Variants in CDK14 observed in about 807,000 individuals in gnomAD.
The protein encoded by CDK14 is cyclin dependent kinase 14.
A neutral mutation model predicts 60.7 loss-of-function variants in CDK14; 34 were observed. The ratio of observed to expected loss-of-function variants is 0.56; its 90% CI spans 0.43 to 0.75. The LOEUF is 0.75. Among genes scored for constraint, CDK14 ranks in the 30% least tolerant of loss-of-function variants. The pLI is 0.00. For synonymous variants in CDK14, 197 were observed against 203.7 expected (o/e 0.97, Z 0.28); for missense variants, 482 against 564.1 (o/e 0.85, Z 1.47).
At chr7:90,639,411 TG>T (rs1283691021) in intron 2 of CDK14, among the ~76,000 whole-genome samples, 1 of 152,240 alleles carries the variant, frequency 6.6e-6, no homozygotes, top group Non-Finnish European at 1.5e-5. Flanking sequence ...CCTGTTTGCC[TG>T]GGTATCAGCA....
chr7:90,787,167 A>G (rs1457206715), intron 4 of CDK14, among the ~76,000 whole-genome samples: 1 of 152,160 alleles, frequency 6.6e-6, no homozygotes, highest in Admixed American at 6.5e-5. Context: ...CAATTTGATA[A>G]TCAGTGTAAT....
At chr7:90,630,038 C>CAAACAAAACAAAACAAAACA (rs55947583) in intron 2 of CDK14, among the ~76,000 whole-genome samples, 4 of 102,784 alleles carry the variant, frequency 3.9e-5, no homozygotes, top group Admixed American at 1.2e-4. Context: ...GACACTGTCT[C>CAAACAAAACAAAACAAAACA]AAACAAAACA....
chr7:90,872,332 A>G (rs576864707), intron 6 of CDK14, among the ~76,000 whole-genome samples: 5 of 152,304 alleles, frequency 3.3e-5, no homozygotes, highest in South Asian at 4.1e-4. Context: ...CTGTGATTCT[A>G]TATTCTGAAG....
At chr7:91,178,563 A>C (rs959838923) in intron 14 of CDK14, among the ~76,000 whole-genome samples, 28 of 152,094 alleles carry the variant, frequency 1.8e-4, no homozygotes, top group Middle Eastern at 3.4e-3. Context: ...ACCTACTCAT[A>C]TGACAAAGGG....
At chr7:90,840,303 G>C (rs73222734) in intron 5 of CDK14, among the ~76,000 whole-genome samples, 2,602 of 152,324 alleles carry the variant, frequency 0.017, 36 homozygotes, top group South Asian at 0.049. Context: ...ACCAAGGACT[G>C]AGTGGAGCTC....
At chr7:91,160,647 T>C (rs1354383621) in intron 14 of CDK14, among the ~76,000 whole-genome samples, 2 of 152,132 alleles carry the variant, frequency 1.3e-5, no homozygotes, top group East Asian at 3.8e-4. Context: ...GGTAATCAAA[T>C]ATTTATACTA....
intron 9 of CDK14, among the ~76,000 whole-genome samples, chr7:90,978,461 C>G (rs986086845): frequency 6.6e-6 from 1 of 151,764 alleles, no homozygotes; most frequent in Non-Finnish European, 1.5e-5. Flanking sequence ...TTTTGGAAAC[C>G]CCTTATGTTT....
intron 6 of CDK14, among the ~76,000 whole-genome samples, chr7:90,890,182 G>A (rs762269582): frequency 2.0e-5 from 3 of 152,214 alleles, no homozygotes; most frequent in Non-Finnish European, 2.9e-5. Flanking sequence ...AGACTAGCCC[G>A]GACAACATAG....
intron 14 of CDK14, among the ~76,000 whole-genome samples, chr7:91,176,407 A>G (rs1801757927): frequency 6.6e-6 from 1 of 152,208 alleles, no homozygotes; most frequent in African/African-American, 2.4e-5. Flanking sequence ...GAACTAGAAA[A>G]GCAAGAGCAA....
intron 3 of CDK14, among the ~76,000 whole-genome samples, chr7:90,729,150 G>A (rs1802750752): frequency 6.6e-6 from 1 of 151,692 alleles, no homozygotes; most frequent in Non-Finnish European, 1.5e-5. Flanking sequence ...TCTCTGGCGG[G>A]ACTAGGAAGG....
chr7:91,056,486 C>T (rs1037064643), intron 11 of CDK14, among the ~76,000 whole-genome samples: 27 of 151,940 alleles, frequency 1.8e-4, no homozygotes, highest in African/African-American at 6.5e-4. Flanking sequence ...TATACATGTG[C>T]CATGTTGGTG....
intron 10 of CDK14, among the ~76,000 whole-genome samples, chr7:91,015,534 T>TG (rs1448680681): frequency 1.7e-4 from 24 of 140,378 alleles, no homozygotes; most frequent in Non-Finnish European, 3.4e-4. Flanking sequence ...TTTTTTTTTT[T>TG]TTTTTTTTTT....
At chr7:91,036,715 A>G (rs562007520) in intron 10 of CDK14, among the ~76,000 whole-genome samples, 1 of 152,316 alleles carries the variant, frequency 6.6e-6, no homozygotes, top group African/African-American at 2.4e-5. Context: ...TTGTAAGGAT[A>G]TAGTATATAA....
intron 11 of CDK14, among the ~76,000 whole-genome samples, chr7:91,065,513 C>T (rs1797948806): frequency 6.6e-6 from 1 of 152,168 alleles, no homozygotes; most frequent in South Asian, 2.1e-4. Context: ...CAACTCTTTT[C>T]TGCTGTACAC....
At chr7:90,914,933 A>G (rs952274974) in intron 7 of CDK14, among the ~76,000 whole-genome samples, 1 of 152,180 alleles carries the variant, frequency 6.6e-6, no homozygotes, top group African/African-American at 2.4e-5. Context: ...ATATAAAGAT[A>G]GTTAAAGCAG....
intron 11 of CDK14, among the ~76,000 whole-genome samples, chr7:91,064,659 A>C (rs1797919921): frequency 6.6e-6 from 1 of 152,102 alleles, no homozygotes; most frequent in Non-Finnish European, 1.5e-5. Flanking sequence ...CAACCTTTCT[A>C]GCCTCGGTTT....
At chr7:91,135,527 G>C (rs1800253725) in intron 14 of CDK14, among the ~76,000 whole-genome samples, 1 of 152,130 alleles carries the variant, frequency 6.6e-6, no homozygotes. Flanking sequence ...TCAGACAAGG[G>C]AGCCATGTAT....
At chr7:90,692,190 T>C (rs1294391778) in intron 2 of CDK14, among the ~76,000 whole-genome samples, 1 of 152,214 alleles carries the variant, frequency 6.6e-6, no homozygotes, top group Non-Finnish European at 1.5e-5. Context: ...TAGCTTTTCT[T>C]CTTATATCGT....
chr7:90,870,228 A>G (rs1791324959), intron 6 of CDK14, among the ~76,000 whole-genome samples: 1 of 152,182 alleles, frequency 6.6e-6, no homozygotes, highest in African/African-American at 2.4e-5. Context: ...ATCCTTAGCA[A>G]ACTAACACAG....
Sources: gnomAD v4.1 joint callset for allele counts (sites outside exome capture counted in the v4.1 genomes callset) on GRCh38, gnomAD v4.1.1 for gene constraint, MANE v1.5 for transcripts, NCBI Gene and HGNC (gene_info 2026-07-23, HGNC 2026-07-21) for gene names.